CDC37: variants seen among roughly 807,000 people sequenced by gnomAD.
The protein encoded by CDC37 is hsp90 co-chaperone Cdc37.
A neutral mutation model predicts 46.9 loss-of-function variants in CDC37; 9 were observed. The observed-to-expected ratio is 0.19, with a 90% CI of 0.12 to 0.33. The LOEUF (loss-of-function observed/expected upper bound fraction) is 0.33. Ranked by LOEUF, CDC37 falls within the 10% of genes least tolerant of loss-of-function variation. CDC37 has a pLI of 1.00. For synonymous variants in CDC37, 193 were observed against 191.0 expected (o/e 1.01, Z -0.09); for missense variants, 388 against 514.6 (o/e 0.75, Z 2.38).
chr19:10,393,006 C>T lies in CDC37; in HGVS notation c.981+80G>A, dbSNP rs1384762747. The stretch of plus-strand genomic sequence containing the variant: ...AGCCTTGGAGGGGCACTTTCACCAG[C>T]CGGCTTCAGAGACTTGGGACACAGG... On this transcript the variant is annotated intron_variant, in intron 7 of 7. Transcript: ENST00000222005. The surrounding 1 kb of genome is among the most constrained non-coding windows in gnomAD (Gnocchi z 4.9). 1.5e-6 allele frequency: 2 copies of T among 1,339,250 alleles called. No individual in the cohort carries two copies. Among genetic ancestry groups the T allele is most frequent in the East Asian group, 2.3e-5 (1 of 43,666 alleles). The allele number at this position is 1,339,250 out of a possible 1,614,324, so 83.0% of individuals were successfully genotyped here. A position where few individuals can be genotyped will look rare whatever the true frequency, so the allele number is the denominator to read the frequency against.
rs115084570 is a variant in CDC37, at chr19:10,392,096, C to A, written c.982-390G>T. On this transcript the variant is annotated intron_variant, in intron 7 of 7. Transcript: ENST00000222005. ...AGATTACAGGCGTGAGCCACCGTAC[C>A]CAGCTGGAAATTTAAATTTTATTTA... 3.1e-3 allele frequency among the ~76,000 whole-genome samples: 466 copies of A among 152,294 alleles called. 5 individuals carry two copies. Among genetic ancestry groups the A allele is most frequent in the African/African-American group, 0.011 (454 of 41,566 alleles).
intron 1 of CDC37, among the ~76,000 whole-genome samples, chr19:10,399,149 A>G (rs1293476469): frequency 2.0e-5 from 3 of 152,076 alleles, no homozygotes; most frequent in Non-Finnish European, 4.4e-5. Context: ...TGAGCCTCGG[A>G]TTCCCCTATA....
intron 4 of CDC37, 23 bp downstream of exon 4, chr19:10,395,205 G>T: frequency 6.2e-7 from 1 of 1,614,022 alleles, no homozygotes; most frequent in Non-Finnish European, 8.5e-7. Flanking sequence ...CCTTTTCACA[G>T]TCCCGGGGAA....
intron 1 of CDC37, among the ~76,000 whole-genome samples, chr19:10,401,998 T>G (rs1000888151): frequency 6.6e-6 from 1 of 151,286 alleles, no homozygotes; most frequent in East Asian, 1.9e-4. Context: ...CTACCAAAAA[T>G]ACAAAATTAG....
chr19:10,394,263 C>G (rs1344977735), intron 5 of CDC37, among the ~76,000 whole-genome samples: 1 of 152,104 alleles, frequency 6.6e-6, no homozygotes, highest in South Asian at 2.1e-4. Flanking sequence ...GACTCTGTCT[C>G]AAAAATGAAC....
In CDC37 at chr19:10,396,114, G is replaced by A. The variant is rs1300964501; in HGVS notation, c.192C>T (p.Cys64=). ...CRECKRKVAE[C]QRKLKELEVA... is the part of the protein sequence containing the mutation. ...CCTCCAGCTCCTTCAGTTTCCTCTG[G>A]CACTCGGCCACCTTGCGCTTGCACT... is the stretch of plus-strand genomic sequence containing the variant. Residue 64 remains cysteine (C), a synonymous_variant, in exon 2 of 8, where the codon TGC becomes TGT. Transcript: ENST00000222005. This position sits in a 1 kb window ranked among gnomAD's most constrained non-coding sequence, Gnocchi z 5.9. 6.2e-7 allele frequency: 1 copy of A among 1,613,974 alleles called. No individual in the cohort carries two copies. The highest frequency in any genetic ancestry group is 8.5e-7 in the Non-Finnish European group (1 of 1,179,960).
intron 1 of CDC37, among the ~76,000 whole-genome samples, chr19:10,401,944 C>T (rs1047328020): frequency 1.3e-5 from 2 of 151,920 alleles, no homozygotes; most frequent in African/African-American, 2.4e-5. Context: ...CAACTGAGGT[C>T]GGAAGTTCAA....
intron 1 of CDC37, chr19:10,400,670 C>G (rs1182470105): frequency 6.6e-6 from 1 of 151,528 alleles, no homozygotes; most frequent in Non-Finnish European, 1.5e-5. Flanking sequence ...ACTGCCATCT[C>G]AGGGTGACAA....
chr19:10,395,655 C>T lies in CDC37; in HGVS notation c.379-112G>A, dbSNP rs768865378. 35 of 945,972 alleles carry T rather than the reference C, an allele frequency of 3.7e-5. No homozygotes were observed. In the South Asian group the frequency reaches 4.1e-4, roughly 11 times the overall value. The allele number at this position is 945,972 out of a possible 1,614,324, so 58.6% of individuals were successfully genotyped here. On this transcript the variant is annotated intron_variant, in intron 2 of 7. Coordinates refer to ENST00000222005, the MANE Select transcript of CDC37 (RefSeq NM_007065.4). Reference sequence around the variant, plus strand: ...ATCCCATCCACGGCGGAGGTGGTGACGAAGCCATGAGCATCAAGGTGGCGG... The same window carrying T: ...ATCCCATCCACGGCGGAGGTGGTGATGAAGCCATGAGCATCAAGGTGGCGG...
chr19:10,395,903 T>TACCC, intron 2 of CDC37, 25 bp downstream of exon 2: 2 of 1,573,920 alleles, frequency 1.3e-6, no homozygotes, highest in Admixed American at 1.7e-5. Context: ...GCATGCGCAC[T>TACCC]GCCCGCCCCG....
Position 10,395,010 on chromosome 19 carries a change from A to T in CDC37, c.726+11T>A, listed in dbSNP as rs550795142. 1 of 1,514,498 alleles carries T rather than the reference A, an allele frequency of 6.6e-7. No homozygotes were observed. Among genetic ancestry groups the T allele is most frequent in the Non-Finnish European group, 8.8e-7 (1 of 1,133,352 alleles). The allele number at this position is 1,514,498 out of a possible 1,614,324, so 93.8% of individuals were successfully genotyped here. On this transcript the variant is annotated intron_variant, in intron 5 of 7. Coordinates refer to ENST00000222005, the MANE Select transcript of CDC37 (RefSeq NM_007065.4). ...GGGGCCTCCAGCCACCTGGCAGCTC[A>T]GGGACCCTACCTTAATCTTAGTGAA...
chr19:10,401,787 G>C (rs1039336321), intron 1 of CDC37, among the ~76,000 whole-genome samples: 2 of 152,120 alleles, frequency 1.3e-5, no homozygotes, highest in Non-Finnish European at 2.9e-5. Flanking sequence ...ATAAATGATG[G>C]GGAATTGCCC....
At position 10,403,495 on chromosome 19, in the gene CDC37, C is replaced by T. The variant is rs1438799537; in HGVS notation, c.-16G>A. 6.3e-7 allele frequency: 1 copy of T among 1,597,896 alleles called. No homozygotes were observed. The highest frequency in any genetic ancestry group is 8.6e-7 in the Non-Finnish European group (1 of 1,167,226). On this transcript the variant is annotated 5_prime_UTR_variant, in exon 1 of 8. Coordinates refer to ENST00000222005, the MANE Select transcript of CDC37 (RefSeq NM_007065.4). ...AGTCCACCATCTTGCCTTGGCGGCC[C>T]AGCCCGCTCCGGCTCGGGTGGCGGC...
Position 10,391,581 on chromosome 19 carries a change from CTTGGGAACAGCTT to C in CDC37, c.1094_1106del (p.Glu365GlyfsTer40), listed in dbSNP as rs1157976433. 6.2e-7 allele frequency: 1 copy of C among 1,614,230 alleles called. No individual in the cohort carries two copies. On this transcript the variant is annotated frameshift_variant, in exon 8 of 8. Transcript: ENST00000222005. LOFTEE classifies it high-confidence loss of function. Reference sequence around the variant, plus strand: ...CACTGACATCCTTCTCATCGCCCGTCTTGGGAACAGCTTCCAGTAATGGGTCCCCAGGACCTGC... The same window carrying C: ...CACTGACATCCTTCTCATCGCCCGTCCCAGTAATGGGTCCCCAGGACCTGC...
At chr19:10,394,606 G>A (rs2042477584) in intron 5 of CDC37, among the ~76,000 whole-genome samples, 1 of 151,876 alleles carries the variant, frequency 6.6e-6, no homozygotes. Context: ...GCACGATCTC[G>A]GCTCACAGCA....
chr19:10,400,202 C>A (rs2145420556), intron 1 of CDC37, among the ~76,000 whole-genome samples: 1 of 152,142 alleles, frequency 6.6e-6, no homozygotes, highest in Non-Finnish European at 1.5e-5. Context: ...AGAAGCCACC[C>A]CAGCAAGCAG....
Position 10,395,110 on chromosome 19 carries a change from T to C in CDC37, c.637A>G (p.Thr213Ala), listed in dbSNP as rs768657748. 1.9e-6 allele frequency: 3 copies of C among 1,580,924 alleles called. No homozygotes were observed. In the South Asian group the frequency reaches 3.5e-5, roughly 18 times the overall value. The change falls in exon 5 of 8, where the codon ACA becomes GCA. Residue 213 changes from threonine to alanine, a missense_variant. Coordinates refer to ENST00000222005, the MANE Select transcript of CDC37 (RefSeq NM_007065.4). Reference sequence around the variant, plus strand: ...TCCAGGATAAATTGCATGACGATTGTCTGGTGGGCCACCTGCTCCATGAGT... The same window carrying C: ...TCCAGGATAAATTGCATGACGATTGCCTGGTGGGCCACCTGCTCCATGAGT... ...CALMEQVAHQ[T>A]IVMQFILELA... is the part of the protein sequence containing the mutation.
At chr19:10,394,781 C>T (rs912501978) in intron 5 of CDC37, among the ~76,000 whole-genome samples, 3 of 151,762 alleles carry the variant, frequency 2.0e-5, no homozygotes, top group African/African-American at 7.3e-5. Flanking sequence ...ATCTGCCCAC[C>T]TCAGCCTCCC....
In CDC37 at chr19:10,393,416, C is replaced by A. The variant is rs1274511350; in HGVS notation, c.752G>T (p.Gly251Val). 2 of 1,613,352 alleles carry A rather than the reference C, an allele frequency of 1.2e-6. No homozygotes were observed. Among genetic ancestry groups the A allele is most frequent in the Non-Finnish European group, 1.7e-6 (2 of 1,179,816 alleles). Residue 251 changes from glycine to valine, a missense_variant, in exon 6 of 8, where the codon GGC (glycine) becomes GTC (valine). Coordinates refer to ENST00000222005, the MANE Select transcript of CDC37 (RefSeq NM_007065.4). The surrounding 1 kb of genome is among the most constrained non-coding windows in gnomAD (Gnocchi z 4.9). ...GAAGGCTTCCAGCTCGTCGTTGAAGCCCTCCATGTACTGGCGATCGGCTGT... is the reference window on the plus strand; with the variant it reads ...GAAGGCTTCCAGCTCGTCGTTGAAGACCTCCATGTACTGGCGATCGGCTGT... ...IKTADRQYME[G>V]FNDELEAFKE...
Sources: allele counts gnomAD v4.1 joint callset (sites outside exome capture counted in the v4.1 genomes callset), GRCh38; gene constraint gnomAD v4.1.1; non-coding constraint Gnocchi (gnomAD v3.1); transcripts MANE v1.5; gene names NCBI Gene and HGNC (gene_info 2026-07-23, HGNC 2026-07-21).